GPC6: variants seen among roughly 807,000 people sequenced by gnomAD.
GPC6 encodes glypican 6, also known as glypican-6.
In GPC6, 14 loss-of-function variants were observed where a neutral mutation model predicts 55.2. The ratio of observed to expected loss-of-function variants is 0.25; its 90% CI spans 0.17 to 0.40. GPC6 has a LOEUF of 0.40. Among genes scored for constraint, GPC6 ranks in the 10% least tolerant of loss-of-function variants. The pLI is 1.00. For synonymous variants in GPC6, 278 were observed against 259.6 expected (o/e 1.07, Z -0.68); for missense variants, 641 against 708.5 (o/e 0.90, Z 1.08).
In GPC6 at chr13:94,060,694, C is replaced by G. The variant is rs187282545; in HGVS notation, c.877+32800C>G. Among the ~76,000 whole-genome samples, 105 of 152,230 alleles carry G rather than the reference C, an allele frequency of 6.9e-4. 2 individuals are homozygous for G. Among genetic ancestry groups the G allele is most frequent in the Admixed American group, 6.0e-3 (92 of 15,280 alleles). On this transcript the variant is annotated intron_variant, in intron 4 of 8. Transcript: ENST00000377047. ...ATCCCAAGTTGCATCTGAAGACTATCTTTCATAATTAAGGTTTTAGAGGTC... is the reference window on the plus strand; with the variant it reads ...ATCCCAAGTTGCATCTGAAGACTATGTTTCATAATTAAGGTTTTAGAGGTC...
rs139078083 is a variant in GPC6 at position 93,575,177 on chromosome 13, C to A, written c.319+29756C>A. On this transcript the variant is annotated intron_variant, in intron 2 of 8. Coordinates refer to ENST00000377047, the MANE Select transcript of GPC6 (RefSeq NM_005708.5). Reference sequence around the variant, plus strand: ...GGTGTGATGGTGCATGCCTGTAGTCCCAGCTATTCGGGAGGCTGAGGCAGA... The same window carrying A: ...GGTGTGATGGTGCATGCCTGTAGTCACAGCTATTCGGGAGGCTGAGGCAGA... 5.7e-3 allele frequency among the ~76,000 whole-genome samples: 861 copies of A among 152,112 alleles called. 16 individuals carry two copies. The highest frequency in any genetic ancestry group is 0.019 in the African/African-American group (789 of 41,512).
At chr13:93,607,259 T>A (rs1878272428) in intron 2 of GPC6, among the ~76,000 whole-genome samples, 1 of 152,240 alleles carries the variant, frequency 6.6e-6, no homozygotes, top group Admixed American at 6.5e-5. Flanking sequence ...TTGTTTTTTG[T>A]TCTTCACAAT....
chr13:94,081,030 T>C (rs1885079479), intron 4 of GPC6, among the ~76,000 whole-genome samples: 1 of 152,178 alleles, frequency 6.6e-6, no homozygotes, highest in Non-Finnish European at 1.5e-5. Context: ...TAACAAGTTC[T>C]AAGGGAAGAA....
At chr13:93,363,117 G>GTTTTTTTTTTTTTTT (rs199840187) in intron 1 of GPC6, among the ~76,000 whole-genome samples, 2 of 126,012 alleles carry the variant, frequency 1.6e-5, no homozygotes, top group East Asian at 2.3e-4. Flanking sequence ...CTTTTTTTTT[G>GTTTTTTTTTTTTTTT]TTTTTTTTTT....
chr13:93,638,920 T>A (rs758939787), intron 2 of GPC6, among the ~76,000 whole-genome samples: 2 of 152,136 alleles, frequency 1.3e-5, no homozygotes, highest in Non-Finnish European at 2.9e-5. Context: ...ATAGTGTATA[T>A]GTTAAATCAA....
chr13:93,979,766 T>C (rs1880705485), intron 3 of GPC6, among the ~76,000 whole-genome samples: 1 of 152,072 alleles, frequency 6.6e-6, no homozygotes, highest in African/African-American at 2.4e-5. Flanking sequence ...CTGCCTCGTA[T>C]AGGACAGCTA....
intron 2 of GPC6, among the ~76,000 whole-genome samples, chr13:93,797,581 T>C (rs1266509241): frequency 6.6e-6 from 1 of 152,200 alleles, no homozygotes; most frequent in Non-Finnish European, 1.5e-5. Flanking sequence ...CCAGTTTAAC[T>C]ATAAGGAAGT....
intron 2 of GPC6, among the ~76,000 whole-genome samples, chr13:93,547,711 T>C (rs1313151626): frequency 6.6e-6 from 1 of 151,984 alleles, no homozygotes; most frequent in Non-Finnish European, 1.5e-5. Flanking sequence ...TTGGAGGCTT[T>C]CAGCCAGAGT....
intron 2 of GPC6, among the ~76,000 whole-genome samples, chr13:93,688,670 AAG>A (rs1454127724): frequency 8.5e-5 from 13 of 152,106 alleles, no homozygotes; most frequent in Non-Finnish European, 1.6e-4. Flanking sequence ...GACAGGCATA[AAG>A]AGACAACAAT....
chr13:93,818,565 C>T (rs939877938), intron 2 of GPC6: 1 of 152,168 alleles, frequency 6.6e-6, no homozygotes, highest in Non-Finnish European at 1.5e-5. Flanking sequence ...ACCCATCCTT[C>T]CCGCATCGTG....
intron 1 of GPC6, among the ~76,000 whole-genome samples, chr13:93,230,342 C>T (rs375852429): frequency 7.2e-5 from 11 of 152,168 alleles, no homozygotes; most frequent in African/African-American, 2.6e-4. Flanking sequence ...AATGGAAACC[C>T]AACAGATGAG....
rs138985990 is a variant in GPC6 at position 93,623,683 on chromosome 13, C to T, written c.319+78262C>T. On this transcript the variant is annotated intron_variant, in intron 2 of 8. Transcript: ENST00000377047. The stretch of plus-strand genomic sequence containing the variant: ...CCATGTTAGCCAGGATGGTCTTGAT[C>T]TCCTGACCTGGTGATCCACCAGCCT... Among the ~76,000 whole-genome samples, 547 of 152,198 alleles carry T rather than the reference C, an allele frequency of 3.6e-3. 6 individuals carry two copies. Among genetic ancestry groups the T allele is most frequent in the African/African-American group, 0.012 (513 of 41,546 alleles).
intron 1 of GPC6, among the ~76,000 whole-genome samples, chr13:93,258,547 T>C (rs1348360587): frequency 6.6e-6 from 1 of 152,126 alleles, no homozygotes; most frequent in African/African-American, 2.4e-5. Context: ...AATAAATCCT[T>C]TCCTGTGTAA....
rs536174541 is a variant in GPC6, at chr13:93,556,315, A to G, written c.319+10894A>G. Reference sequence around the variant, plus strand: ...GGTTACTTTTTTTTGCTAGGATGATATGTTTTGAAGCGCAGTATCTTATTT... The same window carrying G: ...GGTTACTTTTTTTTGCTAGGATGATGTGTTTTGAAGCGCAGTATCTTATTT... On this transcript the variant is annotated intron_variant, in intron 2 of 8. Transcript: ENST00000377047. Among the ~76,000 whole-genome samples, 41 of 150,818 alleles carry G rather than the reference A, an allele frequency of 2.7e-4. No homozygotes were observed. In the South Asian group the frequency reaches 6.9e-3, roughly 25 times the overall value.
intron 1 of GPC6, among the ~76,000 whole-genome samples, chr13:93,479,797 A>G (rs1387335751): frequency 6.6e-6 from 1 of 152,230 alleles, no homozygotes; most frequent in East Asian, 1.9e-4. Context: ...GAGTTCATAT[A>G]GAAGGCTGAA....
In GPC6 at chr13:93,832,566, C is replaced by T. The variant is rs567224372; in HGVS notation, c.711+2021C>T. On this transcript the variant is annotated intron_variant, in intron 3 of 8. Transcript: ENST00000377047. ...TGTGTATTATGATCTGGCAAGTTTC[C>T]GGTGAGATAACAGAATATTTTCTAG... Among the ~76,000 whole-genome samples, 11 of 152,128 alleles carry T rather than the reference C, an allele frequency of 7.2e-5. No individual in the cohort carries two copies. In the East Asian group the frequency reaches 7.8e-4, roughly 11 times the overall value.
At chr13:94,351,238 C>T (rs1878524994) in intron 6 of GPC6, among the ~76,000 whole-genome samples, 1 of 151,968 alleles carries the variant, frequency 6.6e-6, no homozygotes, top group Non-Finnish European at 1.5e-5. Flanking sequence ...AAGTGTATAT[C>T]GGTGGCAATT....
chr13:93,777,760 A>T (rs1015690257), intron 2 of GPC6, among the ~76,000 whole-genome samples: 1 of 152,122 alleles, frequency 6.6e-6, no homozygotes, highest in Non-Finnish European at 1.5e-5. Flanking sequence ...AATTCCAGTC[A>T]TTTGTGTATT....
chr13:93,929,868 GA>G (rs1360554684), intron 3 of GPC6, among the ~76,000 whole-genome samples: 1 of 151,716 alleles, frequency 6.6e-6, no homozygotes, highest in Non-Finnish European at 1.5e-5. Context: ...GAAAAGAAAA[GA>G]AGAGAAGAGA....
Sources: gnomAD v4.1 joint callset for allele counts (sites outside exome capture counted in the v4.1 genomes callset) on GRCh38, gnomAD v4.1.1 for gene constraint, MANE v1.5 for transcripts, NCBI Gene and HGNC (gene_info 2026-07-23, HGNC 2026-07-21) for gene names.